Variants in ATXN2 observed in about 807,000 individuals in gnomAD.
ATXN2 encodes ataxin 2, also known as ataxin-2.
Under a neutral mutation model 138.6 loss-of-function variants are expected in ATXN2, and 37 were observed. That is an observed-to-expected ratio of 0.27 (90% CI 0.21 to 0.35). The LOEUF (loss-of-function observed/expected upper bound fraction) is 0.35, where lower values mean the gene tolerates loss of function less well. Among genes scored for constraint, ATXN2 ranks in the 10% least tolerant of loss-of-function variants. The pLI is 1.00. For synonymous variants in ATXN2, 549 were observed against 543.7 expected (o/e 1.01, Z -0.13); for missense variants, 1,216 against 1,480.3 (o/e 0.82, Z 2.93).
intron 5 of ATXN2, among the ~76,000 whole-genome samples, chr12:111,537,432 A>G (rs1300418531): frequency 6.6e-6 from 1 of 151,964 alleles, no homozygotes; most frequent in African/African-American, 2.4e-5. Context: ...TAAAAATATA[A>G]AATTAGTAGG....
chr12:111,478,370 C>T (rs1231569871), intron 18 of ATXN2, among the ~76,000 whole-genome samples: 1 of 151,876 alleles, frequency 6.6e-6, no homozygotes, highest in African/African-American at 2.4e-5. Flanking sequence ...GGCACCACTG[C>T]GTTCCAGCCT....
chr12:111,534,338 T>C lies in ATXN2; in HGVS notation c.572-9022A>G, dbSNP rs150930342. On this transcript the variant is annotated intron_variant, in intron 5 of 24. Transcript: ENST00000673436. ...ATCACTTGAGCCTGGGAGGAGGAGGTTGCGGTGAGCCAAGATCTGCATCAC... is the reference window on the plus strand; with the variant it reads ...ATCACTTGAGCCTGGGAGGAGGAGGCTGCGGTGAGCCAAGATCTGCATCAC... Among the ~76,000 whole-genome samples the C allele has an allele frequency of 1.5e-3, 227 of 151,742 alleles. 1 individual carries two copies. The highest frequency in any genetic ancestry group is 3.8e-3 in the Admixed American group (58 of 15,208).
At chr12:111,547,125 C>G (rs1881837652) in intron 5 of ATXN2, among the ~76,000 whole-genome samples, 1 of 152,224 alleles carries the variant, frequency 6.6e-6, no homozygotes, top group Non-Finnish European at 1.5e-5. Context: ...TGACCTTACT[C>G]ATGTTAAAAG....
chr12:111,453,788 G>A lies in ATXN2; in HGVS notation c.3328C>T (p.Leu1110=). 1 of 1,614,132 alleles carries A rather than the reference G, an allele frequency of 6.2e-7. No homozygotes were observed. Among genetic ancestry groups the A allele is most frequent in the Non-Finnish European group, 8.5e-7 (1 of 1,179,994 alleles). ...CCGCCGGGTGGCTGTGTCGTCATTA[G>A]CATCATTGGCGCATGGGCAGTTGGA... ...SHPTAHAPMM[L]MTTQPPGGPQ... Residue 1110 remains leucine, a synonymous_variant, in exon 24 of 25, where the codon CTA becomes TTA. Transcript: ENST00000673436. This position sits in a 1 kb window ranked among gnomAD's most constrained non-coding sequence, Gnocchi z 5.4.
intron 5 of ATXN2, among the ~76,000 whole-genome samples, chr12:111,545,469 A>G (rs553746177): frequency 6.5e-4 from 99 of 151,368 alleles, no homozygotes; most frequent in African/African-American, 2.1e-3. Context: ...GGTGGCAGGC[A>G]CCTATAGCCC....
rs59185968 is a variant in ATXN2 at position 111,493,418 on chromosome 12, CAAAAA to C, written c.1936-4643_1936-4639del. Among the ~76,000 whole-genome samples the C allele has an allele frequency of 9.2e-3, 419 of 45,628 alleles. 3 individuals are homozygous for C. Among genetic ancestry groups the C allele is most frequent in the African/African-American group, 0.041 (408 of 10,006 alleles). The allele number at this position is 45,628 out of a possible 152,430, so 29.9% of individuals were successfully genotyped here. ...CTGGTAACAGAGCATGACTCTGTCT[CAAAAA>C]AAAAAAAAAAAAAAAAAAGTTCTTC... On this transcript the variant is annotated intron_variant, in intron 14 of 24. Transcript: ENST00000673436.
chr12:111,585,971 A>C (rs112336421), intron 1 of ATXN2, among the ~76,000 whole-genome samples: 15,348 of 151,740 alleles, frequency 0.1, 2,590 homozygotes, highest in African/African-American at 0.35. Context: ...TGGTGCAATC[A>C]TGGCTCACCT....
At chr12:111,496,086 G>A (rs558961119) in intron 14 of ATXN2, among the ~76,000 whole-genome samples, 52 of 152,122 alleles carry the variant, frequency 3.4e-4, no homozygotes, top group African/African-American at 1.1e-3. Flanking sequence ...CCAGGAAGGC[G>A]GAGGTTGCAG....
At chr12:111,570,225 C>G (rs1883241239) in intron 1 of ATXN2, among the ~76,000 whole-genome samples, 1 of 152,118 alleles carries the variant, frequency 6.6e-6, no homozygotes, top group Non-Finnish European at 1.5e-5. Context: ...TCCCAACGAT[C>G]TACCCGTTGC....
chr12:111,540,799 A>G (rs1881458513), intron 5 of ATXN2, among the ~76,000 whole-genome samples: 2 of 148,148 alleles, frequency 1.3e-5, no homozygotes, highest in South Asian at 4.3e-4. Flanking sequence ...AATTCAAGCA[A>G]TTCTCCTGCC....
At chr12:111,574,532 A>C (rs1254223789) in intron 1 of ATXN2, among the ~76,000 whole-genome samples, 3 of 151,428 alleles carry the variant, frequency 2.0e-5, no homozygotes, top group Non-Finnish European at 4.4e-5. Flanking sequence ...GGTTTAAGTG[A>C]CCCTCCTGAG....
chr12:111,485,144 C>T, intron 18 of ATXN2, 121 bp downstream of exon 18: 1 of 830,670 alleles, frequency 1.2e-6, no homozygotes, highest in Non-Finnish European at 1.9e-6. Flanking sequence ...TCATCAAAAG[C>T]CAATGCATAG....
chr12:111,462,102 T>C (rs1046372331), intron 21 of ATXN2, among the ~76,000 whole-genome samples: 9 of 152,224 alleles, frequency 5.9e-5, no homozygotes, highest in Non-Finnish European at 1.0e-4. Context: ...AAAATAAAGT[T>C]AATTTTATTT....
At chr12:111,540,991 C>G (rs563041954) in intron 5 of ATXN2, among the ~76,000 whole-genome samples, 1 of 150,384 alleles carries the variant, frequency 6.6e-6, no homozygotes, top group South Asian at 2.1e-4. Flanking sequence ...GCACCACACC[C>G]GGCCTAAATC....
intron 1 of ATXN2, among the ~76,000 whole-genome samples, chr12:111,585,196 G>T (rs1208114642): frequency 6.6e-6 from 1 of 152,078 alleles, no homozygotes; most frequent in Non-Finnish European, 1.5e-5. Flanking sequence ...TAGGGCCTAA[G>T]ATATACAGCT....
chr12:111,498,280 T>C (rs2044696478), intron 14 of ATXN2, among the ~76,000 whole-genome samples: 1 of 152,154 alleles, frequency 6.6e-6, no homozygotes, highest in African/African-American at 2.4e-5. Context: ...GAAGTCAAAT[T>C]ATCCTTGTTT....
chr12:111,559,444 TAGG>T lies in ATXN2; in HGVS notation c.252-3528_252-3526del, dbSNP rs554660958. Among the ~76,000 whole-genome samples the T allele has an allele frequency of 8.0e-4, 121 of 151,302 alleles. 1 individual carries two copies. Among genetic ancestry groups the T allele is most frequent in the African/African-American group, 2.8e-3 (115 of 41,300 alleles). ...TAAATCACATGGGACAAAAACATCATAGGAGGAGAACTTATGAATTTTAAAATA... is the reference window on the plus strand; with the variant it reads ...TAAATCACATGGGACAAAAACATCATAGGAGAACTTATGAATTTTAAAATA... On this transcript the variant is annotated intron_variant, in intron 1 of 24. Coordinates refer to ENST00000673436, the MANE Select transcript of ATXN2 (RefSeq NM_001372574.1).
chr12:111,585,322 G>C (rs910153642), intron 1 of ATXN2, among the ~76,000 whole-genome samples: 1 of 151,876 alleles, frequency 6.6e-6, no homozygotes, highest in African/African-American at 2.4e-5. Flanking sequence ...AGACCGGCCT[G>C]GCCAATATGG....
Position 111,598,033 on chromosome 12 carries a change from C to G in ATXN2, c.251+751G>C, listed in dbSNP as rs1885024530. 1 of 1,174,498 alleles carries G rather than the reference C, an allele frequency of 8.5e-7. No homozygotes were observed. Among genetic ancestry groups the G allele is most frequent in the Non-Finnish European group, 1.1e-6 (1 of 932,910 alleles). The allele number at this position is 1,174,498 out of a possible 1,614,324, so 72.8% of individuals were successfully genotyped here. On this transcript the variant is annotated intron_variant, in intron 1 of 24. Transcript: ENST00000673436. The surrounding 1 kb of genome is among the most constrained non-coding windows in gnomAD (Gnocchi z 4.5). ...AGGAAGGCCGGGACGGGGCCGGGCA[C>G]TCCCCACCCCTTCCCTTCCCCAGGT...
Sources: gnomAD v4.1 joint callset for allele counts (sites outside exome capture counted in the v4.1 genomes callset) on GRCh38, gnomAD v4.1.1 for gene constraint, Gnocchi (gnomAD v3.1) non-coding constraint, MANE v1.5 for transcripts, NCBI Gene and HGNC (gene_info 2026-07-23, HGNC 2026-07-21) for gene names.